Variants in ASMTL observed in about 807,000 individuals in gnomAD.
ASMTL encodes the protein probable bifunctional dTTP/UTP pyrophosphatase/methyltransferase protein.
In ASMTL, 57 loss-of-function variants were observed where a neutral mutation model predicts 60.3. The observed-to-expected ratio is 0.95, with a 90% CI of 0.76 to 1.18. ASMTL has a LOEUF of 1.18. ASMTL is among the 50% of genes most tolerant of loss of function. The probability of loss-of-function intolerance (pLI) is 0.00; values close to 1 mark genes in which losing one functional copy is unlikely to be tolerated. For synonymous variants in ASMTL, 419 were observed against 373.0 expected, an observed-to-expected ratio of 1.12 and a Z score of -1.42; for missense variants, 981 against 852.6, an observed-to-expected ratio of 1.15 and a Z score of -1.88.
chrX:1,413,885 T>C (rs117563189), intron 11 of ASMTL: 3,470 of 148,494 alleles, frequency 0.023, 136 homozygotes, highest in African/African-American at 0.08. Flanking sequence ...GCGGGAAGGA[T>C]CCTCCCCTAG....
At chrX:1,417,274 T>C (rs1175153277) in intron 11 of ASMTL, among the ~76,000 whole-genome samples, 2 of 142,614 alleles carry the variant, frequency 1.4e-5, no homozygotes, top group African/African-American at 5.2e-5. Context: ...GCACACAGCA[T>C]ACACACAAAT....
intron 11 of ASMTL, among the ~76,000 whole-genome samples, chrX:1,417,733 C>G (rs1206155975): frequency 1.4e-5 from 2 of 147,564 alleles, no homozygotes; most frequent in African/African-American, 5.0e-5. Context: ...CACACACACA[C>G]ACAGACATGC....
chrX:1,429,585 G>T (rs767778706), intron 6 of ASMTL, among the ~76,000 whole-genome samples: 3 of 152,056 alleles, frequency 2.0e-5, no homozygotes, highest in Middle Eastern at 3.4e-3. Flanking sequence ...ATCACCTGAG[G>T]TCAGGAGTTC....
At chrX:1,449,562 C>G (rs1320287090) in intron 1 of ASMTL, among the ~76,000 whole-genome samples, 1 of 151,922 alleles carries the variant, frequency 6.6e-6, no homozygotes, top group African/African-American at 2.4e-5. Context: ...TCCTGCCCCA[C>G]TGCACCATCC....
intron 8 of ASMTL, among the ~76,000 whole-genome samples, chrX:1,423,980 A>G (rs1428746713): frequency 2.0e-5 from 3 of 149,966 alleles, no homozygotes; most frequent in African/African-American, 7.4e-5. Context: ...CCATTTATCC[A>G]TTCATTCCCC....
intron 9 of ASMTL, among the ~76,000 whole-genome samples, chrX:1,420,473 C>T (rs182788969): frequency 5.3e-5 from 8 of 152,296 alleles, no homozygotes; most frequent in Admixed American, 3.3e-4. Flanking sequence ...ACACACACAC[C>T]CTGACTCCGT....
chrX:1,411,183 CAAAA>C (rs1177614347), intron 12 of ASMTL, among the ~76,000 whole-genome samples: 13 of 145,540 alleles, frequency 8.9e-5, no homozygotes, highest in Admixed American at 8.4e-4. Flanking sequence ...GACTCCGTCT[CAAAA>C]AAAAAAAAGA....
chrX:1,420,104 GTC>G (rs1460096568), intron 9 of ASMTL, among the ~76,000 whole-genome samples: 2 of 151,010 alleles, frequency 1.3e-5, no homozygotes, highest in Admixed American at 6.6e-5. Flanking sequence ...AAGCCTCCCT[GTC>G]TCTGTCTCCC....
intron 12 of ASMTL, 48 bp downstream of exon 12, chrX:1,412,684 A>G (rs1399357180): frequency 6.2e-7 from 1 of 1,612,682 alleles, no homozygotes; most frequent in African/African-American, 1.3e-5. Flanking sequence ...CTTGAACCCA[A>G]AATACTACGT....
Position 1,421,735 on chromosome X carries a change from A to G in ASMTL, c.1168T>C (p.Tyr390His). The G allele has an allele frequency of 2.5e-6, 4 of 1,613,926 alleles. No individual in the cohort carries two copies. Among genetic ancestry groups the G allele is most frequent in the Non-Finnish European group, 3.4e-6 (4 of 1,179,842 alleles). Residue 390 changes from tyrosine (Y) to histidine (H), a missense_variant, in exon 9 of 13, where the codon TAC becomes CAC. Coordinates refer to ENST00000381317, the MANE Select transcript of ASMTL (RefSeq NM_004192.4). ...CCCTCTCGGATGGCAAACTCCAGGT[A>G]TGTAAAGAGGTTCCATGTGAGGTCA... ...NNDLTWNLFT[Y>H]LEFAIREGTN...
chrX:1,405,665 G>A, intron 12 of ASMTL, among the ~76,000 whole-genome samples: 1 of 151,866 alleles, frequency 6.6e-6, no homozygotes, highest in East Asian at 2.0e-4. Flanking sequence ...ATGGATGGAT[G>A]GGTGAATAGA....
chrX:1,432,052 T>A, intron 6 of ASMTL: 1 of 591,338 alleles, frequency 1.7e-6, no homozygotes, highest in Non-Finnish European at 3.0e-6. Context: ...GCTCCCACCC[T>A]GCCCCTCTCT....
At chrX:1,420,922 C>A (rs1235850677) in intron 9 of ASMTL, among the ~76,000 whole-genome samples, 1 of 151,836 alleles carries the variant, frequency 6.6e-6, no homozygotes, top group African/African-American at 2.4e-5. Context: ...ACCTGGGCCT[C>A]CCAAAGTAGC....
intron 6 of ASMTL, chrX:1,431,932 A>G: frequency 3.1e-6 from 1 of 318,660 alleles, no homozygotes; most frequent in Non-Finnish European, 5.8e-6. Context: ...TATTCGTGTT[A>G]ATTGCAGCCA....
chrX:1,415,303 GCT>G (rs1370731876), intron 11 of ASMTL, among the ~76,000 whole-genome samples: 12 of 152,048 alleles, frequency 7.9e-5, no homozygotes, highest in African/African-American at 2.9e-4. Flanking sequence ...CACTGTGACG[GCT>G]CTCGGGTCAG....
chrX:1,443,603 C>T (rs2091168283), intron 1 of ASMTL, among the ~76,000 whole-genome samples: 1 of 150,042 alleles, frequency 6.7e-6, no homozygotes, highest in East Asian at 2.0e-4. Flanking sequence ...CTTGGACAGA[C>T]ACCGCCATCG....
intron 2 of ASMTL, among the ~76,000 whole-genome samples, chrX:1,439,436 C>T (rs187771577): frequency 3.9e-5 from 6 of 152,314 alleles, no homozygotes; most frequent in East Asian, 1.9e-4. Flanking sequence ...ATGCCTGTTC[C>T]GTAAGCTTTT....
At chrX:1,446,062 T>G (rs745901222) in intron 1 of ASMTL, among the ~76,000 whole-genome samples, 19 of 152,308 alleles carry the variant, frequency 1.2e-4, no homozygotes, top group African/African-American at 4.3e-4. Context: ...ACGCTCCTAG[T>G]CCGCCTTCAT....
rs764750602 is a variant in ASMTL at position 1,419,007 on chromosome X, G to T, written c.1353C>A (p.Arg451=). 1.9e-6 allele frequency: 3 copies of T among 1,611,900 alleles called. No individual in the cohort carries two copies. Among genetic ancestry groups the T allele is most frequent in the Non-Finnish European group, 2.5e-6 (3 of 1,179,820 alleles). The change falls in exon 10 of 13, where the codon CGC becomes CGA. Residue 451 remains arginine (R), a synonymous_variant. Coordinates refer to ENST00000381317, the MANE Select transcript of ASMTL (RefSeq NM_004192.4). ...CTCCCACGTCGCAGGCGGAGGAGAAGCGGGACAGATTGAAGGCCGTGGCCA... is the reference window on the plus strand; with the variant it reads ...CTCCCACGTCGCAGGCGGAGGAGAATCGGGACAGATTGAAGGCCGTGGCCA... ...CQVATAFNLS[R]FSSACDVGGC...
Sources: gnomAD v4.1 joint callset for allele counts (sites outside exome capture counted in the v4.1 genomes callset) on GRCh38, gnomAD v4.1.1 for gene constraint, MANE v1.5 for transcripts, NCBI Gene and HGNC (gene_info 2026-07-23, HGNC 2026-07-21) for gene names.